The following HERC1 variants were observed in gnomAD, a reference collection of about 807,000 sequenced individuals.
The protein encoded by HERC1 is probable E3 ubiquitin-protein ligase HERC1.
In HERC1, 160 loss-of-function variants were observed where a neutral mutation model predicts 554.3. The ratio of observed to expected loss-of-function variants is 0.29; its 90% confidence interval spans 0.25 to 0.33. The LOEUF (loss-of-function observed/expected upper bound fraction) is 0.33, where lower values mean the gene tolerates loss of function less well. Among genes scored for constraint, HERC1 ranks in the 10% least tolerant of loss-of-function variants. The pLI is 1.00. For missense variants in HERC1, 4,919 were observed against 5,918.5 expected (o/e 0.83, Z 5.54); for synonymous variants, 2,175 against 2,131.7 (o/e 1.02, Z -0.56).
intron 69 of HERC1, among the ~76,000 whole-genome samples, chr15:63,629,148 C>T (rs2068437802): frequency 6.6e-6 from 1 of 152,116 alleles, no homozygotes; most frequent in African/African-American, 2.4e-5. Flanking sequence ...TGGGGTTTCA[C>T]CATCTTGGCC....
chr15:63,819,646 C>T (rs2077617415), intron 1 of HERC1, among the ~76,000 whole-genome samples: 1 of 152,108 alleles, frequency 6.6e-6, no homozygotes, highest in South Asian at 2.1e-4. Flanking sequence ...GAAATCAAAG[C>T]AATAGGTAGT....
In HERC1 at chr15:63,609,037, A is replaced by T; in HGVS notation, c.*44T>A. On this transcript the variant is annotated 3_prime_UTR_variant, in exon 78 of 78. Coordinates refer to ENST00000443617, the MANE Select transcript of HERC1 (RefSeq NM_003922.4). Reference sequence around the variant, plus strand: ...GTATATCAACATCAAATCAGAAGTGAGCATTATTGAGGGAGAGAAGGGAGG... The same window carrying T: ...GTATATCAACATCAAATCAGAAGTGTGCATTATTGAGGGAGAGAAGGGAGG... The T allele has an allele frequency of 6.5e-7, 1 of 1,546,266 alleles. No homozygotes were observed. The highest frequency in any genetic ancestry group is 1.4e-5 in the African/African-American group (1 of 73,892).
intron 24 of HERC1, among the ~76,000 whole-genome samples, chr15:63,710,040 T>C (rs1567039311): frequency 6.6e-6 from 1 of 152,190 alleles, no homozygotes; most frequent in Non-Finnish European, 1.5e-5. Context: ...ATGCTTGGGG[T>C]CTGGCAGATG....
At chr15:63,665,838 G>T in intron 42 of HERC1, 81 bp downstream of exon 42, 1 of 955,550 alleles carries the variant, frequency 1.0e-6, no homozygotes, top group Non-Finnish European at 1.6e-6. Flanking sequence ...ACAATTAGAA[G>T]CATTTATGAC....
Position 63,608,733 on chromosome 15 carries a change from T to G in HERC1, c.*348A>C, listed in dbSNP as rs2067471225. ...TAAAACTGTCCTTTCTAATGAACAA[T>G]TATACACAATGTACAATTTCATGTT... On this transcript the variant is annotated 3_prime_UTR_variant, in exon 78 of 78. Transcript: ENST00000443617. 3 of 181,726 alleles carry G rather than the reference T, an allele frequency of 1.7e-5. No individual in the cohort carries two copies. Among genetic ancestry groups the G allele is most frequent in the African/African-American group, 7.1e-5 (3 of 42,160 alleles). 11.3% of individuals were successfully genotyped at this position (181,726 alleles called of 1,614,324 possible).
chr15:63,693,833 G>T, intron 30 of HERC1, 131 bp downstream of exon 30: 1 of 934,090 alleles, frequency 1.1e-6, no homozygotes, highest in Non-Finnish European at 1.6e-6. Flanking sequence ...GAGAAAAGAG[G>T]TTTGTAAATA....
At chr15:63,665,810 T>C (rs1228751646) in intron 42 of HERC1, 109 bp downstream of exon 42, 5 of 778,552 alleles carry the variant, frequency 6.4e-6, no homozygotes, top group Non-Finnish European at 1.0e-5. Context: ...CATATAACTA[T>C]ATTTATCAAC....
chr15:63,744,710 T>G (rs963751216), intron 12 of HERC1, among the ~76,000 whole-genome samples: 2 of 152,150 alleles, frequency 1.3e-5, no homozygotes, highest in Non-Finnish European at 2.9e-5. Context: ...AGTTAGCTTA[T>G]GGTGAATACT....
At chr15:63,654,085 C>G in intron 51 of HERC1, 34 bp downstream of exon 51, 1 of 1,514,142 alleles carries the variant, frequency 6.6e-7, no homozygotes, top group Non-Finnish European at 9.2e-7. Flanking sequence ...TCTTACATAA[C>G]GTGATTAACA....
Position 63,680,076 on chromosome 15 carries a change from C to A in HERC1, c.6549+1G>T. 1 of 1,592,746 alleles carries A rather than the reference C, an allele frequency of 6.3e-7. No homozygotes were observed. Among genetic ancestry groups the A allele is most frequent in the Non-Finnish European group, 8.6e-7 (1 of 1,163,064 alleles). ...TAAATAAAGGTTTGAGACTTCATTACCTTTTCCCCTGGATTGCTACTATAG... is the reference window on the plus strand; with the variant it reads ...TAAATAAAGGTTTGAGACTTCATTAACTTTTCCCCTGGATTGCTACTATAG... On this transcript the variant is annotated splice_donor_variant, in intron 36 of 77. Coordinates refer to ENST00000443617, the MANE Select transcript of HERC1 (RefSeq NM_003922.4). LOFTEE classifies it high-confidence loss of function. This position sits in a 1 kb window ranked among gnomAD's most constrained non-coding sequence, Gnocchi z 5.8.
Position 63,649,727 on chromosome 15 carries a change from T to C in HERC1, c.10745A>G (p.Asp3582Gly). ...RRELEHCYRK[D>G]VSVTCIAWFS... ...TAGACGTAAGTGCAGTCATTTACCA[T>C]CCTTTCGATAGCAATGCTCCAATTC... is the stretch of plus-strand genomic sequence containing the variant. The change falls in exon 54 of 78, where the codon GAT (aspartate) becomes GGT (glycine). Residue 3582 changes from aspartate (D) to glycine (G), a missense_variant and splice_region_variant. Asp to Gly is a moderately conservative substitution (Grantham distance 94). This residue lies in a region of HERC1 where 1,963 missense variants were observed against 2,228.6 expected (regional missense o/e 0.88). Transcript: ENST00000443617. The C allele has an allele frequency of 3.7e-6, 6 of 1,612,654 alleles. No individual in the cohort carries two copies. Among genetic ancestry groups the C allele is most frequent in the Non-Finnish European group, 5.1e-6 (6 of 1,179,086 alleles).
At chr15:63,658,232 T>G (rs1027035677) in intron 48 of HERC1, among the ~76,000 whole-genome samples, 1 of 152,196 alleles carries the variant, frequency 6.6e-6, no homozygotes, top group Non-Finnish European at 1.5e-5. Context: ...AGACGGTCAA[T>G]ACATTTTGAC....
intron 38 of HERC1, among the ~76,000 whole-genome samples, chr15:63,672,917 T>C (rs1262112367): frequency 6.6e-6 from 1 of 152,222 alleles, no homozygotes; most frequent in Non-Finnish European, 1.5e-5. Flanking sequence ...AGTATTGTAA[T>C]GAGCCCTTGT....
At chr15:63,764,313 G>A in intron 2 of HERC1, 122 bp from the exon 3 acceptor site, 1 of 651,524 alleles carries the variant, frequency 1.5e-6, no homozygotes. Flanking sequence ...TATGTGCACT[G>A]AAACCAAATC....
chr15:63,617,622 C>A (rs543834045), intron 74 of HERC1, among the ~76,000 whole-genome samples: 1 of 152,182 alleles, frequency 6.6e-6, no homozygotes, highest in Non-Finnish European at 1.5e-5. Context: ...TACAGTCCCA[C>A]CAACAGTGTA....
At position 63,654,240 on chromosome 15, in the gene HERC1, T is replaced by C; in HGVS notation, c.10169A>G (p.Gln3390Arg). 6.2e-7 allele frequency: 1 copy of C among 1,614,016 alleles called. No individual in the cohort carries two copies. Among genetic ancestry groups the C allele is most frequent in the Non-Finnish European group, 8.5e-7 (1 of 1,179,886 alleles). The change falls in exon 51 of 78, where the codon CAA becomes CGA. Residue 3390 changes from glutamine to arginine, a missense_variant. By Grantham distance (43) the Gln-to-Arg change is conservative. Coordinates refer to ENST00000443617, the MANE Select transcript of HERC1 (RefSeq NM_003922.4). ...SSQHRQWAAQ[Q>R]LVRTLAAHDR... ...GTGTGCAGCAAGAGTGCGCACGAGTTGCTGAGCTGCCCATTGCCGATGCTG... is the reference window on the plus strand; with the variant it reads ...GTGTGCAGCAAGAGTGCGCACGAGTCGCTGAGCTGCCCATTGCCGATGCTG...
chr15:63,728,304 T>A (rs2074118309), intron 16 of HERC1, among the ~76,000 whole-genome samples: 1 of 152,228 alleles, frequency 6.6e-6, no homozygotes, highest in Admixed American at 6.5e-5. Context: ...AAAATTTGCT[T>A]TTTTAAAAAT....
Position 63,694,319 on chromosome 15 carries a change from T to G in HERC1, c.5473A>C (p.Thr1825Pro). Residue 1825 changes from threonine to proline, a missense_variant, in exon 29 of 78, where the codon ACT becomes CCT. By Grantham distance (38) the Thr-to-Pro change is conservative. Coordinates refer to ENST00000443617, the MANE Select transcript of HERC1 (RefSeq NM_003922.4). The surrounding 1 kb of genome is among the most constrained non-coding windows in gnomAD (Gnocchi z 4.3). The stretch of plus-strand genomic sequence containing the variant: ...GACATCTACCATACTTACCCAGTAG[T>G]GATGGCTAGAATCTGGAGCAACCTT... The part of the protein sequence containing the change: ...STRLLQILAI[T>P]TGTYADKLSP... 1 of 1,612,668 alleles carries G rather than the reference T, an allele frequency of 6.2e-7. No individual in the cohort carries two copies. Among genetic ancestry groups the G allele is most frequent in the Non-Finnish European group, 8.5e-7 (1 of 1,179,210 alleles).
rs1364156614 is a variant in HERC1, at chr15:63,694,501, T to C, written c.5291A>G (p.His1764Arg). The C allele has an allele frequency of 1.9e-6, 3 of 1,613,918 alleles. No individual in the cohort carries two copies. Among genetic ancestry groups the C allele is most frequent in the African/African-American group, 2.7e-5 (2 of 74,934 alleles). The change falls in exon 29 of 78, where the codon CAT becomes CGT. Residue 1764 changes from histidine to arginine, a missense_variant. Physicochemically the swap from His to Arg is conservative, Grantham distance 29. Around this residue, in one of 11 missense-constraint regions of HERC1, gnomAD observed 1,121 missense variants for 1,244.0 expected, o/e 0.90. Transcript: ENST00000443617. The surrounding 1 kb of genome is among the most constrained non-coding windows in gnomAD (Gnocchi z 4.3). The part of the protein sequence containing the change: ...LLVTVFALSV[H>R]YQPVDVSLAI... ...CAAAGAAACATCTACTGGTTGATAATGAACACTTAGGGCAAAAACTGTAAC... is the reference window on the plus strand; with the variant it reads ...CAAAGAAACATCTACTGGTTGATAACGAACACTTAGGGCAAAAACTGTAAC...
Sources: allele counts gnomAD v4.1 joint callset (sites outside exome capture counted in the v4.1 genomes callset), GRCh38; gene constraint gnomAD v4.1.1; regional missense constraint gnomAD v4.1.1; non-coding constraint Gnocchi (gnomAD v3.1); transcripts MANE v1.5; gene names NCBI Gene and HGNC (gene_info 2026-07-23, HGNC 2026-07-21).